The following CCDC148 variants were observed in gnomAD, a reference collection of about 807,000 sequenced individuals.
CCDC148 encodes coiled-coil domain-containing protein 148.
In CCDC148, 89 loss-of-function variants were observed where a neutral mutation model predicts 85.7. The observed-to-expected ratio is 1.04, with a 90% CI of 0.87 to 1.24. The LOEUF is 1.24. Ranked by LOEUF, CCDC148 falls within the 50% of genes most tolerant of loss-of-function variation. The pLI, the probability that CCDC148 is intolerant of heterozygous loss-of-function variation, is 0.00. For synonymous variants in CCDC148, 230 were observed against 213.9 expected, an observed-to-expected ratio of 1.08 and a Z score of -0.66; for missense variants, 692 against 671.7, an observed-to-expected ratio of 1.03 and a Z score of -0.33.
chr2:158,342,064 G>A (rs1371644158), intron 3 of CCDC148, among the ~76,000 whole-genome samples: 2 of 124,800 alleles, frequency 1.6e-5, no homozygotes, highest in African/African-American at 3.1e-5. Context: ...GAGTCTTGCT[G>A]GGTCGCCCGG....
At chr2:158,206,416 A>G (rs533949790) in intron 11 of CCDC148, among the ~76,000 whole-genome samples, 44 of 143,616 alleles carry the variant, frequency 3.1e-4, no homozygotes, top group Non-Finnish European at 5.3e-4. Context: ...TGGAGAAAGG[A>G]AAAAATGAGC....
Position 158,338,871 on chromosome 2 carries a change from G to T in CCDC148, c.619C>A (p.Leu207Ile). ...DHSLEEKTNP[L>I]SELPIELESL... The stretch of plus-strand genomic sequence containing the variant: ...TCTAATTCAATGGGCAGTTCACTAA[G>T]CGGGTTAGTCTTTTCTTCCAAAGAA... The change falls in exon 7 of 14, where the codon CTT becomes ATT. Residue 207 changes from leucine (L) to isoleucine (I), a missense_variant. By Grantham distance (5) the Leu-to-Ile change is conservative. Coordinates refer to ENST00000283233, the MANE Select transcript of CCDC148 (RefSeq NM_138803.4). 6.2e-7 allele frequency: 1 copy of T among 1,609,964 alleles called. No individual in the cohort carries two copies. Among genetic ancestry groups the T allele is most frequent in the Non-Finnish European group, 8.5e-7 (1 of 1,179,072 alleles).
intron 1 of CCDC148, among the ~76,000 whole-genome samples, chr2:158,427,578 G>C (rs1687133612): frequency 6.6e-6 from 1 of 151,978 alleles, no homozygotes; most frequent in Non-Finnish European, 1.5e-5. Flanking sequence ...ATGGCAAGGA[G>C]GAAAGAGGGA....
At chr2:158,317,438 A>G (rs1260920412) in intron 7 of CCDC148, among the ~76,000 whole-genome samples, 2 of 152,182 alleles carry the variant, frequency 1.3e-5, no homozygotes, top group African/African-American at 4.8e-5. Context: ...GCCCCACAAT[A>G]TAGTATCGAT....
intron 1 of CCDC148, among the ~76,000 whole-genome samples, chr2:158,440,548 T>C (rs774892913): frequency 5.3e-5 from 8 of 152,222 alleles, no homozygotes; most frequent in Non-Finnish European, 1.2e-4. Context: ...ATAACCTATA[T>C]ACGCTGTTTT....
rs965960033 is a variant in CCDC148 at position 158,220,599 on chromosome 2, C to A, written c.1366G>T (p.Glu456Ter). 2 of 1,601,222 alleles carry A rather than the reference C, an allele frequency of 1.2e-6. No individual in the cohort carries two copies. The highest frequency in any genetic ancestry group is 1.7e-6 in the Non-Finnish European group (2 of 1,174,038). The change falls in exon 11 of 14, where the codon GAA becomes TAA. Residue 456 changes from glutamate to a stop codon, truncating the protein, a stop_gained. Transcript: ENST00000283233. LOFTEE classifies it high-confidence loss of function. ...LIAEQSLKDRERVKYRQELLE... is the reference protein window; with the variant it reads ...LIAEQSLKDR ...CAATTTTAAATTTTCTTTTACCTTT[C>A]TCTGTCTTTTAGTGACTGTTCAGCG...
chr2:158,397,122 T>G (rs10221765), intron 1 of CCDC148, among the ~76,000 whole-genome samples: 2 of 151,936 alleles, frequency 1.3e-5, no homozygotes, highest in Non-Finnish European at 2.9e-5. Flanking sequence ...TAAGCTCAGG[T>G]GAAGAAGGCA....
At chr2:158,327,990 T>G (rs535118546) in intron 7 of CCDC148, among the ~76,000 whole-genome samples, 2 of 152,220 alleles carry the variant, frequency 1.3e-5, no homozygotes, top group Admixed American at 1.3e-4. Flanking sequence ...ACATTAATTT[T>G]ATACCCAGCC....
At chr2:158,372,955 G>T (rs375266075) in intron 1 of CCDC148, among the ~76,000 whole-genome samples, 1 of 152,126 alleles carries the variant, frequency 6.6e-6, no homozygotes, top group South Asian at 2.1e-4. Context: ...CATGTAGGTC[G>T]TAATCCTCAG....
chr2:158,322,241 G>C (rs1253049571), intron 7 of CCDC148, among the ~76,000 whole-genome samples: 1 of 151,806 alleles, frequency 6.6e-6, no homozygotes, highest in Non-Finnish European at 1.5e-5. Flanking sequence ...ATCAAAATGT[G>C]GTAAAAATAA....
intron 1 of CCDC148, among the ~76,000 whole-genome samples, chr2:158,365,183 T>C (rs1028973336): frequency 6.6e-6 from 1 of 152,104 alleles, no homozygotes; most frequent in African/African-American, 2.4e-5. Context: ...TGTGAAGAAA[T>C]AGGAATGCTT....
chr2:158,310,231 G>A (rs924052760), intron 8 of CCDC148, among the ~76,000 whole-genome samples: 6 of 152,102 alleles, frequency 3.9e-5, no homozygotes, highest in African/African-American at 7.2e-5. Context: ...CAGAGAGCAC[G>A]GGGTTGGGGG....
rs567063723 is a variant in CCDC148, at chr2:158,209,609, G to A, written c.1370+10986C>T. Among the ~76,000 whole-genome samples the A allele has an allele frequency of 3.0e-4, 46 of 152,248 alleles. 1 individual carries two copies. The South Asian group carries it at 3.3e-3, about 11-fold the overall frequency. ...AAGGGATGCCCATCAGACTAACAGC[G>A]GATCTCTCTGCAGAAACCCTACAAG... On this transcript the variant is annotated intron_variant, in intron 11 of 13. Coordinates refer to ENST00000283233, the MANE Select transcript of CCDC148 (RefSeq NM_138803.4).
chr2:158,284,474 A>T (rs143266945), intron 9 of CCDC148, among the ~76,000 whole-genome samples: 1 of 152,214 alleles, frequency 6.6e-6, no homozygotes, highest in Non-Finnish European at 1.5e-5. Context: ...ACTCCAAATC[A>T]GAGATTCTTT....
intron 9 of CCDC148, among the ~76,000 whole-genome samples, chr2:158,301,560 C>T (rs1299829529): frequency 2.6e-5 from 4 of 152,122 alleles, no homozygotes; most frequent in African/African-American, 2.4e-5. Flanking sequence ...CACGAGGAGG[C>T]TTAGTGGCCA....
chr2:158,204,909 G>T (rs906753964), intron 11 of CCDC148, among the ~76,000 whole-genome samples: 2 of 152,306 alleles, frequency 1.3e-5, no homozygotes, highest in Admixed American at 1.3e-4. Flanking sequence ...AAGACCCAGT[G>T]GATCTACCAG....
chr2:158,225,454 A>C (rs4566318), intron 10 of CCDC148, among the ~76,000 whole-genome samples: 143,326 of 152,090 alleles, frequency 0.94, 68,039 homozygotes, highest in Non-Finnish European at 1. Context: ...ACCAAGCAGA[A>C]CTAATAGACA....
chr2:158,350,662 A>G (rs1683216564), intron 2 of CCDC148, among the ~76,000 whole-genome samples: 1 of 152,142 alleles, frequency 6.6e-6, no homozygotes, highest in African/African-American at 2.4e-5. Context: ...TCAAATATCT[A>G]AAAATTGGGG....
At chr2:158,309,735 C>A in intron 8 of CCDC148, 96 bp from the exon 9 acceptor site, 3 of 926,290 alleles carry the variant, frequency 3.2e-6, no homozygotes, top group Non-Finnish European at 4.8e-6. Context: ...GAATTATAAC[C>A]AATGATTTTG....
Sources: gnomAD v4.1 joint callset for allele counts (sites outside exome capture counted in the v4.1 genomes callset) on GRCh38, gnomAD v4.1.1 for gene constraint, MANE v1.5 for transcripts, NCBI Gene and HGNC (gene_info 2026-07-23, HGNC 2026-07-21) for gene names.